CDK11B: variants seen among roughly 807,000 people sequenced by gnomAD.
CDK11B encodes the protein cyclin-dependent kinase 11B.
CDK11B carries 37 observed loss-of-function variants against 84.0 expected under a neutral mutation model. The ratio of observed to expected loss-of-function variants is 0.44; its 90% CI spans 0.34 to 0.58. The LOEUF is 0.58. CDK11B is among the 20% of genes least tolerant of loss of function. The pLI, the probability that CDK11B is intolerant of heterozygous loss-of-function variation, is 0.02. For missense variants in CDK11B, 427 were observed against 834.0 expected, an observed-to-expected ratio of 0.51 and a Z score of 6.01; for synonymous variants, 269 against 309.8, an observed-to-expected ratio of 0.87 and a Z score of 1.38.
chr1:1,639,054 C>A (rs1174339218), intron 11 of CDK11B, among the ~76,000 whole-genome samples: 1 of 151,028 alleles, frequency 6.6e-6, no homozygotes, highest in Non-Finnish European at 1.5e-5. Flanking sequence ...GATTCTCCTG[C>A]CTCAGCCTCC....
intron 5 of CDK11B, among the ~76,000 whole-genome samples, chr1:1,648,648 G>C (rs1333296132): frequency 6.6e-6 from 1 of 152,146 alleles, no homozygotes; most frequent in African/African-American, 2.4e-5. Flanking sequence ...AACAGATCTG[G>C]GGCTACACCG....
rs879800092 is a variant in CDK11B at position 1,658,912 on chromosome 1, A to C, written c.-14+2T>G. ...CACCTGGTCCGCCCAGTCGGAACTC[A>C]CCCCTACGCCGCCGCCGCTGCCGCC... is the stretch of plus-strand genomic sequence containing the variant. On this transcript the variant is annotated splice_donor_variant, in intron 1 of 19. Coordinates refer to ENST00000341832, the MANE Select transcript of CDK11B (RefSeq NM_033486.3). LOFTEE classifies it low-confidence loss of function (5UTR_SPLICE). 3.6e-3 allele frequency: 680 copies of C among 187,862 alleles called. 3 individuals are homozygous for C. The highest frequency in any genetic ancestry group is 5.5e-3 in the Non-Finnish European group (492 of 90,116). 11.6% of individuals were successfully genotyped at this position (187,862 alleles called of 1,614,324 possible). A position where few individuals can be genotyped will look rare whatever the true frequency, so the allele number is the denominator to read the frequency against.
intron 4 of CDK11B, among the ~76,000 whole-genome samples, chr1:1,650,268 C>CAAAAAAAAAAAAAAAAAAAAAAAA (rs1212256890): frequency 6.8e-4 from 31 of 45,720 alleles, no homozygotes; most frequent in Non-Finnish European, 1.0e-3. Context: ...GACTCCGTCC[C>CAAAAAAAAAAAAAAAAAAAAAAAA]AAAAAAAAAA....
Position 1,641,106 on chromosome 1 carries a change from T to C in CDK11B, c.1017A>G (p.Val339=), listed in dbSNP as rs771723406. ...CATCTTCACTCATTTCTTCCTCACT[T>C]ACTTCTTCTGCAAGAGAAAGGAGGC... ...EEASEQSAEE[V]SEEEMSEDEE... is the part of the protein sequence containing the mutation. Residue 339 remains valine (V), a synonymous_variant, in exon 10 of 20, where the codon GTA becomes GTG. Transcript: ENST00000341832. The C allele has an allele frequency of 6.3e-7, 1 of 1,590,612 alleles. No individual in the cohort carries two copies.
At chr1:1,650,040 G>A (rs1465257271) in intron 4 of CDK11B, among the ~76,000 whole-genome samples, 17 of 150,524 alleles carry the variant, frequency 1.1e-4, no homozygotes, top group East Asian at 3.9e-4. Flanking sequence ...CTGGGAGGCC[G>A]AGGTGGGCGG....
chr1:1,653,819 TA>T (rs1442595474), intron 3 of CDK11B, among the ~76,000 whole-genome samples: 3 of 100,724 alleles, frequency 3.0e-5, no homozygotes, highest in African/African-American at 1.3e-4. Flanking sequence ...CCGTCTCTAC[TA>T]AAAATACACA....
At chr1:1,651,757 C>A (rs1642041963) in intron 4 of CDK11B, among the ~76,000 whole-genome samples, 5 of 149,304 alleles carry the variant, frequency 3.3e-5, no homozygotes, top group Non-Finnish European at 7.4e-5. Context: ...CTCTCTATAG[C>A]CCTTCTGAAT....
In CDK11B at chr1:1,649,580, C is replaced by G. The variant is rs1303063468; in HGVS notation, c.413G>C (p.Arg138Pro). Reference sequence around the variant, plus strand: ...CCGGCGAGCTTTATCCTGTTCTTCTCGATGCCGTTTCCGACGTTCGTGCTC... The same window carrying G: ...CCGGCGAGCTTTATCCTGTTCTTCTGGATGCCGTTTCCGACGTTCGTGCTC... ...EREHERRKRHREEQDKARREW... is the reference protein window; with the variant it reads ...EREHERRKRHPEEQDKARREW... The change falls in exon 5 of 20, where the codon CGA becomes CCA. Residue 138 changes from arginine to proline, a missense_variant. By Grantham distance (103) the Arg-to-Pro change is moderately radical. Around this residue, in one of 12 missense-constraint regions of CDK11B, gnomAD observed 71 missense variants for 66.2 expected, o/e 1.07. Coordinates refer to ENST00000341832, the MANE Select transcript of CDK11B (RefSeq NM_033486.3). The G allele has an allele frequency of 3.1e-6, 5 of 1,607,016 alleles. No individual in the cohort carries two copies. The highest frequency in any genetic ancestry group is 3.4e-6 in the Non-Finnish European group (4 of 1,173,718).
At chr1:1,650,664 CTTTTTTTT>C (rs1185570412) in intron 4 of CDK11B, among the ~76,000 whole-genome samples, 18 of 115,000 alleles carry the variant, frequency 1.6e-4, no homozygotes, top group African/African-American at 3.6e-4. Context: ...CGCGCCCGGC[CTTTTTTTT>C]TTTTTTTTTT....
rs1281877292 is a variant in CDK11B at position 1,635,232 on chromosome 1, C to T, written c.*532G>A. The T allele has an allele frequency of 2.6e-5, 2 of 75,960 alleles. No homozygotes were observed. Among genetic ancestry groups the T allele is most frequent in the Non-Finnish European group, 5.3e-5 (2 of 38,078 alleles). 4.7% of individuals were successfully genotyped at this position (75,960 alleles called of 1,614,324 possible). A position where few individuals can be genotyped will look rare whatever the true frequency, so the allele number is the denominator to read the frequency against. ...AAAGGACGACACGGGGAGCTTTCCT[C>T]GAAGAATATTTTAATACATTTTAAA... On this transcript the variant is annotated 3_prime_UTR_variant, in exon 20 of 20. Transcript: ENST00000341832.
chr1:1,639,422 A>G (rs897843617), intron 11 of CDK11B, among the ~76,000 whole-genome samples: 3 of 151,708 alleles, frequency 2.0e-5, no homozygotes, highest in Non-Finnish European at 2.9e-5. Flanking sequence ...GTCTCCAAAA[A>G]AAAAGCCATC....
chr1:1,652,342 C>T (rs1408472476), intron 4 of CDK11B, 97 bp downstream of exon 4: 43 of 1,078,630 alleles, frequency 4.0e-5, no homozygotes, highest in Non-Finnish European at 5.4e-5. Flanking sequence ...TTTGCTTTCT[C>T]TGGTTTTTCA....
intron 12 of CDK11B, 122 bp from the exon 13 acceptor site, chr1:1,638,005 C>T (rs956792661): frequency 1.9e-5 from 29 of 1,500,828 alleles, no homozygotes; most frequent in Middle Eastern, 2.3e-4. Context: ...AGGGGGGTCT[C>T]GTTCTAGGTG....
intron 5 of CDK11B, 47 bp downstream of exon 5, chr1:1,649,452 C>G (rs1190326934): frequency 7.3e-6 from 10 of 1,373,802 alleles, no homozygotes; most frequent in South Asian, 1.2e-5. Context: ...ATGGGACACA[C>G]TACCACAGCC....
At chr1:1,654,090 C>G in intron 3 of CDK11B, 1 of 445,148 alleles carries the variant, frequency 2.2e-6, no homozygotes, top group South Asian at 1.6e-5. Context: ...TTCTGTATCA[C>G]CAAAATTCTG....
In CDK11B at chr1:1,637,524, C is replaced by T. The variant is rs377296900; in HGVS notation, c.1465-11G>A. ...GCCCACCACAATCTCCTGCAGGGCA[C>T]GGCTCTGTGGGTGCTGGGCACCTCC... is the stretch of plus-strand genomic sequence containing the variant. On this transcript the variant is annotated splice_polypyrimidine_tract_variant and intron_variant, in intron 13 of 19. Coordinates refer to ENST00000341832, the MANE Select transcript of CDK11B (RefSeq NM_033486.3). 3.7e-6 allele frequency: 6 copies of T among 1,612,564 alleles called. No individual in the cohort carries two copies. Among genetic ancestry groups the T allele is most frequent in the East Asian group, 2.2e-5 (1 of 44,838 alleles).
Position 1,652,590 on chromosome 1 carries a change from G to A in CDK11B, c.228-24C>T. The A allele has an allele frequency of 2.9e-6, 4 of 1,395,920 alleles. No individual in the cohort carries two copies. The South Asian group carries it at 6.0e-5, about 21-fold the overall frequency. 86.5% of individuals were successfully genotyped at this position (1,395,920 alleles called of 1,614,324 possible). A position where few individuals can be genotyped will look rare whatever the true frequency, so the allele number is the denominator to read the frequency against. ...CTCTGAAATAAAACACAACAGCACTGCATCATGCTTGAGAAAGTGCAAAGA... is the reference window on the plus strand; with the variant it reads ...CTCTGAAATAAAACACAACAGCACTACATCATGCTTGAGAAAGTGCAAAGA... On this transcript the variant is annotated intron_variant, in intron 3 of 19. Coordinates refer to ENST00000341832, the MANE Select transcript of CDK11B (RefSeq NM_033486.3).
At chr1:1,649,878 A>T (rs1212341477) in intron 4 of CDK11B, among the ~76,000 whole-genome samples, 2 of 148,468 alleles carry the variant, frequency 1.3e-5, no homozygotes, top group Non-Finnish European at 3.0e-5. Context: ...AGCGAGGCTG[A>T]GGCAGAAGAA....
At position 1,650,281 on chromosome 1, in the gene CDK11B, A is replaced by AAAAAAAAAAAAAAAAAAAAG. The variant is rs1641798674; in HGVS notation, c.356-645_356-644insCTTTTTTTTTTTTTTTTTTT. On this transcript the variant is annotated intron_variant, in intron 4 of 19. Transcript: ENST00000341832. Reference sequence around the variant, plus strand: ...AAGACTCCGTCCCAAAAAAAAAAAAAAAAGAAATTAAATCAAGAACAGTAA... The same window carrying AAAAAAAAAAAAAAAAAAAAG: ...AAGACTCCGTCCCAAAAAAAAAAAAAAAAAAAAAAAAAAAAAAAAGAAAGAAATTAAATCAAGAACAGTAA... 6.4e-4 allele frequency among the ~76,000 whole-genome samples: 95 copies of AAAAAAAAAAAAAAAAAAAAG among 147,490 alleles called. 3 individuals carry two copies. Among genetic ancestry groups the AAAAAAAAAAAAAAAAAAAAG allele is most frequent in the Non-Finnish European group, 1.2e-3 (80 of 65,722 alleles).
Sources: gnomAD v4.1 joint callset for allele counts (sites outside exome capture counted in the v4.1 genomes callset) on GRCh38, gnomAD v4.1.1 for gene constraint, gnomAD v4.1.1 regional missense constraint, MANE v1.5 for transcripts, NCBI Gene and HGNC (gene_info 2026-07-23, HGNC 2026-07-21) for gene names.